PDCD2L: variants seen among roughly 807,000 people sequenced by gnomAD.
PDCD2L encodes programmed cell death 2 like, also known as uS5 assembly chaperone PDCD2L.
In PDCD2L, 44 loss-of-function variants were observed where a neutral mutation model predicts 40.4. That is an observed-to-expected ratio of 1.09 (90% CI 0.86 to 1.40). The LOEUF (loss-of-function observed/expected upper bound fraction) is 1.40, where lower values mean the gene tolerates loss of function less well. Among genes scored for constraint, PDCD2L ranks in the 40% most tolerant of loss-of-function variants. PDCD2L has a pLI of 0.00. For missense variants in PDCD2L, 470 were observed against 453.7 expected, an observed-to-expected ratio of 1.04 and a Z score of -0.33; for synonymous variants, 194 against 174.6, an observed-to-expected ratio of 1.11 and a Z score of -0.88.
intron 5 of PDCD2L, among the ~76,000 whole-genome samples, chr19:34,419,421 C>G (rs2145469696): frequency 6.6e-6 from 1 of 152,126 alleles, no homozygotes; most frequent in African/African-American, 2.4e-5. Context: ...TCCCAAAATG[C>G]TGGGATTACA....
chr19:34,424,745 A>ATT (rs34350684), intron 6 of PDCD2L, among the ~76,000 whole-genome samples: 57,018 of 130,504 alleles, frequency 0.44, 15,042 homozygotes, highest in Non-Finnish European at 0.57. Context: ...CCATTTTTTC[A>ATT]TTTTTTTTTT....
At chr19:34,413,219 T>C (rs1421881576) in intron 4 of PDCD2L, among the ~76,000 whole-genome samples, 2 of 151,730 alleles carry the variant, frequency 1.3e-5, no homozygotes, top group East Asian at 1.9e-4. Flanking sequence ...TTTGTACTTT[T>C]ATTAGAGATG....
chr19:34,411,509 T>C lies in PDCD2L; in HGVS notation c.686+1999T>C, dbSNP rs1046565308. 3.3e-5 allele frequency among the ~76,000 whole-genome samples: 5 copies of C among 151,952 alleles called. No individual in the cohort carries two copies. The East Asian group carries it at 9.7e-4, about 29-fold the overall frequency. ...ATCCGCCCACCTCGACCTCCCAAAGTGCCGGGATTACAGGTATTAGCCACC... is the reference window on the plus strand; with the variant it reads ...ATCCGCCCACCTCGACCTCCCAAAGCGCCGGGATTACAGGTATTAGCCACC... On this transcript the variant is annotated intron_variant, in intron 4 of 6. Transcript: ENST00000246535.
At chr19:34,418,178 C>T (rs1414880734) in intron 5 of PDCD2L, among the ~76,000 whole-genome samples, 2 of 152,194 alleles carry the variant, frequency 1.3e-5, no homozygotes, top group African/African-American at 4.8e-5. Context: ...ACAGTGTGCA[C>T]TTTGATAAGT....
chr19:34,408,922 A>C (rs1283747879), intron 3 of PDCD2L, among the ~76,000 whole-genome samples: 1 of 152,208 alleles, frequency 6.6e-6, no homozygotes, highest in East Asian at 1.9e-4. Flanking sequence ...CGGATGGTTG[A>C]ATAACCCCTG....
At position 34,409,525 on chromosome 19, in the gene PDCD2L, T is replaced by C. The variant is rs531785553; in HGVS notation, c.686+15T>C. 6.0e-5 allele frequency: 97 copies of C among 1,604,172 alleles called. No homozygotes were observed. The South Asian group carries it at 1.0e-3, about 17-fold the overall frequency. ...CTTTCCCAAAGGTGAGGATGTGTGC[T>C]GCTGAGGTTGAGAGGTGACTGGATT... On this transcript the variant is annotated intron_variant, in intron 4 of 6. Coordinates refer to ENST00000246535, the MANE Select transcript of PDCD2L (RefSeq NM_032346.2).
intron 5 of PDCD2L, among the ~76,000 whole-genome samples, chr19:34,419,293 T>C (rs2075138614): frequency 6.6e-6 from 1 of 152,068 alleles, no homozygotes; most frequent in Non-Finnish European, 1.5e-5. Flanking sequence ...CCTGAGTAGC[T>C]GGGATTACTG....
intron 5 of PDCD2L, among the ~76,000 whole-genome samples, chr19:34,417,291 A>ATTAC: frequency 6.6e-6 from 1 of 152,254 alleles, no homozygotes; most frequent in East Asian, 1.9e-4. Context: ...GCCCCATGAC[A>ATTAC]TTACATATCT....
chr19:34,425,092 G>A (rs1286095494), intron 6 of PDCD2L, among the ~76,000 whole-genome samples: 1 of 151,996 alleles, frequency 6.6e-6, no homozygotes, highest in Non-Finnish European at 1.5e-5. Flanking sequence ...CTTTGCTGCT[G>A]CAAATCATTG....
intron 5 of PDCD2L, among the ~76,000 whole-genome samples, chr19:34,416,968 GC>G (rs1437339954): frequency 6.6e-6 from 1 of 152,028 alleles, no homozygotes; most frequent in East Asian, 1.9e-4. Context: ...ACAAAAATTA[GC>G]CGGGCGTGGT....
Position 34,421,306 on chromosome 19 carries a change from C to T in PDCD2L, c.798-213C>T, listed in dbSNP as rs553318759. ...ACTTTGTTGCAGCTTTACCTAGATT[C>T]AGTTGAACATTGACTTTAGTGCCTT... On this transcript the variant is annotated intron_variant, in intron 5 of 6. Coordinates refer to ENST00000246535, the MANE Select transcript of PDCD2L (RefSeq NM_032346.2). 40 of 566,354 alleles carry T rather than the reference C, an allele frequency of 7.1e-5. 2 individuals are homozygous for T. The South Asian group carries it at 8.0e-4, about 11-fold the overall frequency. The allele number at this position is 566,354 out of a possible 1,614,324, so 35.1% of individuals were successfully genotyped here.
At position 34,406,749 on chromosome 19, in the gene PDCD2L, A is replaced by G. The variant is rs145788185; in HGVS notation, c.336+1759A>G. ...GCAGTAGAACTTAAAAAAAACCCACATTCCTCCTGAATAACTGAGGTTTTG... is the reference window on the plus strand; with the variant it reads ...GCAGTAGAACTTAAAAAAAACCCACGTTCCTCCTGAATAACTGAGGTTTTG... On this transcript the variant is annotated intron_variant, in intron 3 of 6. Transcript: ENST00000246535. Among the ~76,000 whole-genome samples the G allele has an allele frequency of 4.9e-3, 714 of 147,182 alleles. 2 individuals carry two copies. The highest frequency in any genetic ancestry group is 7.7e-3 in the Non-Finnish European group (514 of 67,024).
chr19:34,423,782 G>A (rs886797091), intron 6 of PDCD2L, among the ~76,000 whole-genome samples: 3 of 152,020 alleles, frequency 2.0e-5, no homozygotes, highest in Non-Finnish European at 4.4e-5. Flanking sequence ...GAGCCACCGC[G>A]CCTGGCCAGT....
chr19:34,421,450 G>A lies in PDCD2L; in HGVS notation c.798-69G>A, dbSNP rs1415566540. ...GCAAGAAACAAAGAAAGGTTGCAAA[G>A]CATGGCCTTAGATGCTAGAATGCGA... On this transcript the variant is annotated intron_variant, in intron 5 of 6. Coordinates refer to ENST00000246535, the MANE Select transcript of PDCD2L (RefSeq NM_032346.2). 2.6e-6 allele frequency: 4 copies of A among 1,553,838 alleles called. No individual in the cohort carries two copies. The East Asian group carries it at 6.8e-5, about 26-fold the overall frequency.
chr19:34,414,178 AT>A (rs1054981446), intron 5 of PDCD2L, among the ~76,000 whole-genome samples: 33 of 148,344 alleles, frequency 2.2e-4, no homozygotes, highest in South Asian at 4.3e-4. Context: ...TTATTATTTA[AT>A]TTTTTTTTTT....
intron 4 of PDCD2L, among the ~76,000 whole-genome samples, chr19:34,410,714 T>G (rs1381702105): frequency 6.6e-6 from 1 of 152,042 alleles, no homozygotes; most frequent in Non-Finnish European, 1.5e-5. Context: ...CATGTTGGTG[T>G]TTGAAAATAA....
In PDCD2L at chr19:34,404,775, G is replaced by T; in HGVS notation, c.235G>T (p.Ala79Ser). Reference sequence around the variant, plus strand: ...GTTTCACCGTCTGCTGCACGTGTTCGCGTGCGCCTGCCCCGGCTGTAGCAC... The same window carrying T: ...GTTTCACCGTCTGCTGCACGTGTTCTCGTGCGCCTGCCCCGGCTGTAGCAC... ...SPFHRLLHVF[A>S]CACPGCSTGG... The change falls in exon 2 of 7, where the codon GCG (alanine) becomes TCG (serine). Residue 79 changes from alanine to serine, a missense_variant. Coordinates refer to ENST00000246535, the MANE Select transcript of PDCD2L (RefSeq NM_032346.2). 1 of 1,606,670 alleles carries T rather than the reference G, an allele frequency of 6.2e-7. No homozygotes were observed. Among genetic ancestry groups the T allele is most frequent in the Non-Finnish European group, 8.5e-7 (1 of 1,177,854 alleles).
At chr19:34,421,850 G>A (rs2075152952) in intron 6 of PDCD2L, 183 bp downstream of exon 6, 2 of 596,536 alleles carry the variant, frequency 3.4e-6, no homozygotes, top group Admixed American at 3.5e-5. Context: ...AGCACTTTGG[G>A]AGGCCAAGGC....
intron 3 of PDCD2L, among the ~76,000 whole-genome samples, chr19:34,407,151 T>C (rs1203703089): frequency 2.0e-5 from 3 of 151,874 alleles, no homozygotes; most frequent in Non-Finnish European, 4.4e-5. Flanking sequence ...CCAGATTTTT[T>C]TTTTTCTTTG....
Sources: gnomAD v4.1 joint callset for allele counts (sites outside exome capture counted in the v4.1 genomes callset) on GRCh38, gnomAD v4.1.1 for gene constraint, MANE v1.5 for transcripts, NCBI Gene and HGNC (gene_info 2026-07-23, HGNC 2026-07-21) for gene names.